The following CPNE4 variants were observed in gnomAD, a reference collection of about 807,000 sequenced individuals.
CPNE4 encodes the protein copine-4.
A neutral mutation model predicts 67.9 loss-of-function variants in CPNE4; 25 were observed. The observed-to-expected ratio is 0.37, with a 90% confidence interval of 0.27 to 0.51. The LOEUF (loss-of-function observed/expected upper bound fraction) is 0.51. Ranked by LOEUF, CPNE4 falls within the 20% of genes least tolerant of loss-of-function variation. The pLI is 0.93. For missense variants in CPNE4, 464 were observed against 690.8 expected (o/e 0.67, Z 3.68); for synonymous variants, 242 against 244.9 (o/e 0.99, Z 0.11).
chr3:131,578,152 A>G (rs996176005), intron 9 of CPNE4, among the ~76,000 whole-genome samples: 6 of 152,110 alleles, frequency 3.9e-5, no homozygotes, highest in Admixed American at 2.6e-4. Context: ...GAGCAATACT[A>G]TTGGTGCCAT....
intron 2 of CPNE4, among the ~76,000 whole-genome samples, chr3:131,866,822 G>A (rs1206117695): frequency 6.6e-6 from 1 of 152,174 alleles, no homozygotes; most frequent in Non-Finnish European, 1.5e-5. Context: ...TTCTCACTTA[G>A]CACAGCAAAA....
Position 131,747,949 on chromosome 3 carries a change from GT to G in CPNE4, c.181-24325del, listed in dbSNP as rs371656387. ...TGCCTATTTTGGAGGAAAGCACTCAGTTTTTTACCATTAAGTATAATATTAG... is the reference window on the plus strand; with the variant it reads ...TGCCTATTTTGGAGGAAAGCACTCAGTTTTTACCATTAAGTATAATATTAG... On this transcript the variant is annotated intron_variant, in intron 2 of 15. Transcript: ENST00000429747. Among the ~76,000 whole-genome samples the G allele has an allele frequency of 7.5e-3, 1,146 of 152,148 alleles. 15 individuals are homozygous for G. The highest frequency in any genetic ancestry group is 0.025 in the African/African-American group (1,025 of 41,524).
At chr3:131,759,965 C>G (rs1374734018) in intron 2 of CPNE4, among the ~76,000 whole-genome samples, 1 of 152,184 alleles carries the variant, frequency 6.6e-6, no homozygotes, top group Non-Finnish European at 1.5e-5. Context: ...TTTATAGGAT[C>G]AGCTCCAGGT....
intron 2 of CPNE4, among the ~76,000 whole-genome samples, chr3:131,889,898 A>G (rs146614053): frequency 1.3e-5 from 2 of 152,326 alleles, no homozygotes; most frequent in Non-Finnish European, 2.9e-5. Context: ...TGTGCAAAAG[A>G]ATGAAATTGA....
intron 14 of CPNE4, among the ~76,000 whole-genome samples, chr3:131,545,667 A>G (rs951530492): frequency 2.0e-5 from 3 of 152,224 alleles, no homozygotes; most frequent in African/African-American, 7.2e-5. Context: ...GCATTTTATT[A>G]CTGTATTTAT....
chr3:131,867,093 G>C (rs551613410), intron 2 of CPNE4, among the ~76,000 whole-genome samples: 3 of 152,294 alleles, frequency 2.0e-5, no homozygotes, highest in Admixed American at 6.5e-5. Context: ...AAGTCAAAAA[G>C]GCAGCTGGTG....
intron 2 of CPNE4, among the ~76,000 whole-genome samples, chr3:131,783,277 A>AC (rs995826669): frequency 1.3e-5 from 2 of 151,924 alleles, no homozygotes; most frequent in Non-Finnish European, 2.9e-5. Context: ...CTTCTCAACC[A>AC]CCCTATGAGA....
intron 2 of CPNE4, among the ~76,000 whole-genome samples, chr3:131,827,520 C>T (rs1353925724): frequency 6.6e-6 from 1 of 152,072 alleles, no homozygotes; most frequent in African/African-American, 2.4e-5. Context: ...AGATGTGAAA[C>T]ATTTTATGAC....
intron 7 of CPNE4, among the ~76,000 whole-genome samples, chr3:131,637,934 T>A (rs1232895879): frequency 6.6e-6 from 1 of 152,070 alleles, no homozygotes; most frequent in Non-Finnish European, 1.5e-5. Context: ...CCAATGAAAT[T>A]AAGCTTAATA....
At chr3:131,591,675 G>A (rs2107708232) in intron 7 of CPNE4, among the ~76,000 whole-genome samples, 1 of 152,266 alleles carries the variant, frequency 6.6e-6, no homozygotes, top group Non-Finnish European at 1.5e-5. Flanking sequence ...TTCCTCATCA[G>A]GGCAGTTGCA....
intron 2 of CPNE4, among the ~76,000 whole-genome samples, chr3:131,806,436 G>A (rs1378895837): frequency 1.3e-5 from 2 of 151,102 alleles, no homozygotes; most frequent in African/African-American, 2.4e-5. Flanking sequence ...TGTAATCCCA[G>A]CTACTCTGGA....
At chr3:131,839,446 T>C (rs2085686724) in intron 2 of CPNE4, among the ~76,000 whole-genome samples, 1 of 151,060 alleles carries the variant, frequency 6.6e-6, no homozygotes, top group Non-Finnish European at 1.5e-5. Context: ...TATATTTATA[T>C]TTACTTAATT....
rs537564024 is a variant in CPNE4 at position 131,553,779 on chromosome 3, A to C, written c.1117-1288T>G. On this transcript the variant is annotated intron_variant, in intron 12 of 15. Transcript: ENST00000429747. ...TGTTTCAGTTTCAATGCATACTTTC[A>C]GATTTTGTCCTAAGAAGTAAATTGT... is the stretch of plus-strand genomic sequence containing the variant. Among the ~76,000 whole-genome samples, 6 of 152,212 alleles carry C rather than the reference A, an allele frequency of 3.9e-5. No individual in the cohort carries two copies. In the South Asian group the frequency reaches 1.0e-3, roughly 26 times the overall value.
At chr3:131,880,229 C>A (rs1423619720) in intron 2 of CPNE4, among the ~76,000 whole-genome samples, 2 of 151,606 alleles carry the variant, frequency 1.3e-5, no homozygotes, top group Non-Finnish European at 2.9e-5. Flanking sequence ...CATTCTCCTG[C>A]CTCACCCTCC....
At chr3:131,732,512 C>G (rs1412206592) in intron 2 of CPNE4, among the ~76,000 whole-genome samples, 1 of 152,158 alleles carries the variant, frequency 6.6e-6, no homozygotes, top group African/African-American at 2.4e-5. Flanking sequence ...ACAGGAGGAA[C>G]CCATGGTGTA....
intron 1 of CPNE4, among the ~76,000 whole-genome samples, chr3:131,950,815 C>T (rs914262659): frequency 8.5e-5 from 13 of 152,332 alleles, no homozygotes; most frequent in African/African-American, 3.1e-4. Context: ...AGAGTCCCCA[C>T]ATTCATTCCA....
At chr3:131,943,879 A>C (rs750722434) in intron 1 of CPNE4, among the ~76,000 whole-genome samples, 1 of 152,052 alleles carries the variant, frequency 6.6e-6, no homozygotes, top group Non-Finnish European at 1.5e-5. Flanking sequence ...AACATACCAG[A>C]CTGATTTCAA....
intron 1 of CPNE4, among the ~76,000 whole-genome samples, chr3:132,001,390 A>C (rs943762380): frequency 5.9e-5 from 9 of 151,914 alleles, no homozygotes; most frequent in Admixed American, 6.6e-5. Context: ...TGTTTCAATC[A>C]ATATATGACA....
At chr3:131,983,466 T>A (rs1306204847) in intron 1 of CPNE4, among the ~76,000 whole-genome samples, 1 of 152,134 alleles carries the variant, frequency 6.6e-6, no homozygotes, top group African/African-American at 2.4e-5. Flanking sequence ...TACAAAAAGA[T>A]CTCTTTAAAG....
Sources: allele counts gnomAD v4.1 joint callset (sites outside exome capture counted in the v4.1 genomes callset), GRCh38; gene constraint gnomAD v4.1.1; transcripts MANE v1.5; gene names NCBI Gene and HGNC (gene_info 2026-07-23, HGNC 2026-07-21).